Variants in NBAS observed in about 807,000 individuals in gnomAD.
The protein encoded by NBAS is NAG/BC035112 fusion.
NBAS carries 219 observed loss-of-function variants against 302.5 expected under a neutral mutation model. The ratio of observed to expected loss-of-function variants is 0.72; its 90% CI spans 0.65 to 0.81. The LOEUF is 0.81. NBAS is among the 30% of genes least tolerant of loss of function. NBAS has a pLI of 0.00. For missense variants in NBAS, 2,932 were observed against 2,841.6 expected, an observed-to-expected ratio of 1.03 and a Z score of -0.72; for synonymous variants, 1,118 against 1,021.6, an observed-to-expected ratio of 1.09 and a Z score of -1.80.
chr2:15,239,010 A>C (rs1667735541), intron 44 of NBAS, among the ~76,000 whole-genome samples: 1 of 152,160 alleles, frequency 6.6e-6, no homozygotes, highest in Non-Finnish European at 1.5e-5. Flanking sequence ...CTGATCACTT[A>C]TTATAAGAAA....
At chr2:15,137,654 A>G in the NBAS span, among the ~76,000 whole-genome samples, 8 of 152,230 alleles carry the variant, frequency 5.3e-5, no homozygotes, top group Non-Finnish European at 1.0e-4. Context: ...ACATTTTTAT[A>G]ACAAAAGAGC....
At chr2:14,811,840 T>A in the NBAS span, among the ~76,000 whole-genome samples, 1 of 152,152 alleles carries the variant, frequency 6.6e-6, no homozygotes, top group Admixed American at 6.5e-5. Context: ...AGAACTGACA[T>A]AACTTCATGA....
chr2:15,431,403 T>C (rs988797444), intron 21 of NBAS, among the ~76,000 whole-genome samples: 4 of 152,184 alleles, frequency 2.6e-5, no homozygotes, highest in African/African-American at 9.7e-5. Flanking sequence ...AAGTTCTTTA[T>C]TTTGCTTCAA....
At chr2:14,872,610 G>A in the NBAS span, among the ~76,000 whole-genome samples, 132 of 152,306 alleles carry the variant, frequency 8.7e-4, no homozygotes, top group African/African-American at 2.5e-3. Flanking sequence ...GAGTGAAGCT[G>A]CAGACCTTTA....
chr2:15,548,780 TG>T (rs1028810162), intron 6 of NBAS, among the ~76,000 whole-genome samples: 1 of 151,460 alleles, frequency 6.6e-6, no homozygotes, highest in African/African-American at 2.4e-5. Flanking sequence ...AGCCGATGCT[TG>T]ATCTAAAATA....
intron 21 of NBAS, among the ~76,000 whole-genome samples, chr2:15,433,303 A>T (rs1172592335): frequency 3.3e-5 from 5 of 152,180 alleles, no homozygotes; most frequent in Non-Finnish European, 5.9e-5. Flanking sequence ...GAGGGATAAT[A>T]ACAATATTTA....
intron 12 of NBAS, among the ~76,000 whole-genome samples, chr2:15,481,907 T>C (rs1316278595): frequency 6.6e-6 from 1 of 151,974 alleles, no homozygotes; most frequent in Non-Finnish European, 1.5e-5. Flanking sequence ...AAAACATCGC[T>C]CTCTCCCTTC....
At position 15,504,057 on chromosome 2, in the gene NBAS, A is replaced by C. The variant is rs879225670; in HGVS notation, c.954+88T>G. 9.7e-6 allele frequency: 10 copies of C among 1,028,568 alleles called. No individual in the cohort carries two copies. In the South Asian group the frequency reaches 1.0e-4, roughly 10 times the overall value. 63.7% of individuals were successfully genotyped at this position (1,028,568 alleles called of 1,614,324 possible). On this transcript the variant is annotated intron_variant, in intron 11 of 51. Transcript: ENST00000281513. Reference sequence around the variant, plus strand: ...ATACACTCAGATGAAGATACAAAAAATTCGAGGTTCATTCAGCTTTGACCT... The same window carrying C: ...ATACACTCAGATGAAGATACAAAAACTTCGAGGTTCATTCAGCTTTGACCT...
At chr2:14,948,899 C>T in the NBAS span, among the ~76,000 whole-genome samples, 1 of 152,010 alleles carries the variant, frequency 6.6e-6, no homozygotes, top group African/African-American at 2.4e-5. Flanking sequence ...AAAACAGATA[C>T]ATAGATCAAT....
At chr2:14,797,173 A>G in the NBAS span, among the ~76,000 whole-genome samples, 1 of 150,502 alleles carries the variant, frequency 6.6e-6, no homozygotes, top group South Asian at 2.1e-4. Context: ...TTGGGGGGTG[A>G]CCCACCTTCG....
chr2:15,178,876 T>C, intron 51 of NBAS, 112 bp downstream of exon 51: 2 of 1,443,552 alleles, frequency 1.4e-6, no homozygotes, highest in Non-Finnish European at 1.9e-6. Context: ...ATACTATAGA[T>C]ATAGTAGTCT....
At chr2:14,997,122 G>C in the NBAS span, among the ~76,000 whole-genome samples, 1 of 152,106 alleles carries the variant, frequency 6.6e-6, no homozygotes, top group Non-Finnish European at 1.5e-5. Flanking sequence ...ATGGATAAAG[G>C]AGAAAACAAC....
chr2:15,098,735 G>A, the NBAS span, among the ~76,000 whole-genome samples: 588 of 130,594 alleles, frequency 4.5e-3, 4 homozygotes, highest in African/African-American at 0.016. Context: ...TTATATATTA[G>A]GAGTCAACAA....
chr2:15,403,275 T>TA (rs1379107696), intron 25 of NBAS, among the ~76,000 whole-genome samples: 1 of 152,034 alleles, frequency 6.6e-6, no homozygotes, highest in African/African-American at 2.4e-5. Flanking sequence ...TCAATGGACG[T>TA]AAAAAAGAAA....
At chr2:15,457,549 A>C (rs1157630801) in intron 21 of NBAS, among the ~76,000 whole-genome samples, 1 of 152,224 alleles carries the variant, frequency 6.6e-6, no homozygotes, top group African/African-American at 2.4e-5. Context: ...TCAGTTTAAA[A>C]GCATGATGCT....
At chr2:14,797,108 A>C in the NBAS span, among the ~76,000 whole-genome samples, 3 of 147,332 alleles carry the variant, frequency 2.0e-5, no homozygotes, top group South Asian at 2.1e-4. Flanking sequence ...AAAAAAAAAA[A>C]AAAAAACCAA....
At chr2:15,077,659 G>T in the NBAS span, among the ~76,000 whole-genome samples, 5 of 151,362 alleles carry the variant, frequency 3.3e-5, no homozygotes, top group Non-Finnish European at 5.9e-5. Flanking sequence ...ACCCAAGAAG[G>T]CTTCTTTCTT....
chr2:15,336,625 G>A (rs936193669), intron 35 of NBAS, among the ~76,000 whole-genome samples: 4 of 152,024 alleles, frequency 2.6e-5, no homozygotes, highest in African/African-American at 7.2e-5. Context: ...AGCTACTCCG[G>A]AGCCTGAAGC....
chr2:14,992,700 CA>C, the NBAS span, among the ~76,000 whole-genome samples: 1 of 152,178 alleles, frequency 6.6e-6, no homozygotes, highest in East Asian at 1.9e-4. Context: ...TGTTCCACAC[CA>C]GTGTCCTTCA....
Sources: gnomAD v4.1 joint callset for allele counts (sites outside exome capture counted in the v4.1 genomes callset) on GRCh38, gnomAD v4.1.1 for gene constraint, MANE v1.5 for transcripts, NCBI Gene and HGNC (gene_info 2026-07-23, HGNC 2026-07-21) for gene names.